Variants in ACOXL observed in about 807,000 individuals in gnomAD.
The protein encoded by ACOXL is acyl-CoA oxidase like.
In ACOXL, 70 loss-of-function variants were observed where a neutral mutation model predicts 71.9. That is an observed-to-expected ratio of 0.97 (90% confidence interval 0.80 to 1.19). The LOEUF (loss-of-function observed/expected upper bound fraction) is 1.19, where lower values mean the gene tolerates loss of function less well. Ranked by LOEUF, ACOXL falls within the 50% of genes most tolerant of loss-of-function variation. The pLI is 0.00. For missense variants in ACOXL, 703 were observed against 736.3 expected, an observed-to-expected ratio of 0.95 and a Z score of 0.52; for synonymous variants, 253 against 281.6, an observed-to-expected ratio of 0.90 and a Z score of 1.02.
chr2:111,019,190 G>A (rs1427436766), intron 14 of ACOXL, among the ~76,000 whole-genome samples: 2 of 152,184 alleles, frequency 1.3e-5, no homozygotes, highest in East Asian at 1.9e-4. Context: ...ATGCTTTGGT[G>A]CCTGTAAAAT....
rs142088036 is a variant in ACOXL, at chr2:111,110,518, G to T, written c.1543-7098G>T. ...AAATTCTGGGTTGAGGGTAAGAATC[G>T]CTAGGCCAAGTGTTTGTTTCTGTGC... On this transcript the variant is annotated intron_variant, in intron 17 of 17. Coordinates refer to ENST00000439055, the MANE Select transcript of ACOXL (RefSeq NM_001142807.4). Among the ~76,000 whole-genome samples the T allele has an allele frequency of 9.2e-4, 140 of 152,200 alleles. 2 individuals are homozygous for T. Among genetic ancestry groups the T allele is most frequent in the East Asian group, 4.4e-3 (23 of 5,182 alleles).
At chr2:111,078,271 T>C (rs1052646757) in intron 16 of ACOXL, among the ~76,000 whole-genome samples, 5 of 152,162 alleles carry the variant, frequency 3.3e-5, no homozygotes, top group Admixed American at 2.6e-4. Flanking sequence ...TATTTCTTTC[T>C]TTCTTTTTTT....
At chr2:110,798,056 T>A (rs1175924849) in intron 5 of ACOXL, among the ~76,000 whole-genome samples, 5 of 152,152 alleles carry the variant, frequency 3.3e-5, no homozygotes, top group African/African-American at 9.7e-5. Flanking sequence ...CTGGATCAGA[T>A]TATTCCTTGA....
At chr2:110,934,237 T>A (rs990403460) in intron 12 of ACOXL, among the ~76,000 whole-genome samples, 1 of 151,604 alleles carries the variant, frequency 6.6e-6, no homozygotes, top group East Asian at 1.9e-4. Flanking sequence ...CATGCGGGGG[T>A]CCAGAGCCCA....
At chr2:110,943,550 A>G (rs1414506207) in intron 12 of ACOXL, among the ~76,000 whole-genome samples, 2 of 152,190 alleles carry the variant, frequency 1.3e-5, no homozygotes, top group African/African-American at 2.4e-5. Context: ...TCAGCTTTGC[A>G]GTACAGAATG....
chr2:110,963,523 GAA>G, intron 12 of ACOXL: 1 of 1,373,764 alleles, frequency 7.3e-7, no homozygotes, highest in Non-Finnish European at 9.5e-7. Flanking sequence ...TAATTTTAAA[GAA>G]AATGTGAGTC....
rs3789133 is a variant in ACOXL, at chr2:110,923,033, G to A, written c.906-10456G>A. ...CTTTCCTCCTGCTTCTTTCATTCCC[G>A]GTCTCCCTACATCACAGTAGGGGGT... On this transcript the variant is annotated intron_variant, in intron 11 of 17. Coordinates refer to ENST00000439055, the MANE Select transcript of ACOXL (RefSeq NM_001142807.4). Among the ~76,000 whole-genome samples, 9 of 151,972 alleles carry A rather than the reference G, an allele frequency of 5.9e-5. No homozygotes were observed. In the East Asian group the frequency reaches 1.7e-3, roughly 29 times the overall value.
intron 3 of ACOXL, among the ~76,000 whole-genome samples, chr2:110,787,612 C>T (rs184830629): frequency 2.0e-3 from 308 of 152,166 alleles, no homozygotes; most frequent in Non-Finnish European, 3.2e-3. Flanking sequence ...AAAACCCCTT[C>T]CTTCCCATTA....
intron 15 of ACOXL, among the ~76,000 whole-genome samples, chr2:111,032,252 G>A (rs561157297): frequency 1.0e-4 from 15 of 146,040 alleles, no homozygotes; most frequent in South Asian, 6.2e-4. Context: ...GTTTAGAGAC[G>A]TTTTTGGTTG....
intron 10 of ACOXL, among the ~76,000 whole-genome samples, chr2:110,859,533 G>A (rs910452248): frequency 1.3e-5 from 2 of 152,218 alleles, no homozygotes; most frequent in Non-Finnish European, 1.5e-5. Flanking sequence ...CCTGGAGGAA[G>A]GAGAAGGAGG....
At chr2:110,957,695 C>A (rs553720227) in intron 12 of ACOXL, among the ~76,000 whole-genome samples, 10 of 152,278 alleles carry the variant, frequency 6.6e-5, no homozygotes, top group Admixed American at 1.3e-4. Context: ...CTTAATTACC[C>A]CTTTTAAGGT....
intron 13 of ACOXL, among the ~76,000 whole-genome samples, chr2:110,989,654 C>T (rs1193981095): frequency 6.6e-6 from 1 of 152,162 alleles, no homozygotes; most frequent in Non-Finnish European, 1.5e-5. Flanking sequence ...GGTAGAGTTT[C>T]AGTTTGGGAA....
At chr2:110,914,846 G>A (rs2059779270) in intron 11 of ACOXL, among the ~76,000 whole-genome samples, 1 of 152,186 alleles carries the variant, frequency 6.6e-6, no homozygotes, top group Middle Eastern at 3.4e-3. Flanking sequence ...ATTTTTGTGG[G>A]TATATAGTAG....
chr2:110,834,259 T>C (rs1690185146), intron 9 of ACOXL, among the ~76,000 whole-genome samples: 1 of 152,156 alleles, frequency 6.6e-6, no homozygotes, highest in African/African-American at 2.4e-5. Context: ...GAGTGTGAGG[T>C]GTTCTGGGAT....
intron 9 of ACOXL, among the ~76,000 whole-genome samples, chr2:110,839,732 C>T (rs905923221): frequency 5.3e-5 from 8 of 152,032 alleles, no homozygotes; most frequent in African/African-American, 9.7e-5. Context: ...TGGGCAGTGG[C>T]GTTGGACTTT....
intron 10 of ACOXL, among the ~76,000 whole-genome samples, chr2:110,875,318 C>T (rs952169069): frequency 6.6e-6 from 1 of 152,214 alleles, no homozygotes; most frequent in Admixed American, 6.5e-5. Flanking sequence ...TGAGTCACCA[C>T]ACACTTCTGC....
chr2:111,034,295 T>C (rs2065410816), intron 15 of ACOXL, among the ~76,000 whole-genome samples: 1 of 152,272 alleles, frequency 6.6e-6, no homozygotes, highest in South Asian at 2.1e-4. Flanking sequence ...TTATTACTGC[T>C]AATCACTACT....
At chr2:111,003,836 G>T (rs1242772659) in intron 14 of ACOXL, among the ~76,000 whole-genome samples, 1 of 152,138 alleles carries the variant, frequency 6.6e-6, no homozygotes, top group Non-Finnish European at 1.5e-5. Context: ...GGAAGGGGAA[G>T]ACCACAAAGA....
chr2:110,844,258 C>G (rs145782307), intron 10 of ACOXL, among the ~76,000 whole-genome samples: 1 of 152,172 alleles, frequency 6.6e-6, no homozygotes, highest in East Asian at 1.9e-4. Flanking sequence ...ACTGTGGAAA[C>G]GGAGAAGGGA....
Sources: gnomAD v4.1 joint callset for allele counts (sites outside exome capture counted in the v4.1 genomes callset) on GRCh38, gnomAD v4.1.1 for gene constraint, MANE v1.5 for transcripts, NCBI Gene and HGNC (gene_info 2026-07-23, HGNC 2026-07-21) for gene names.